Variants in CTNNA3 observed in about 807,000 individuals in gnomAD.
CTNNA3 encodes catenin alpha 3.
A neutral mutation model predicts 95.7 loss-of-function variants in CTNNA3; 76 were observed. The ratio of observed to expected loss-of-function variants is 0.79; its 90% CI spans 0.66 to 0.96. The LOEUF is 0.96. Ranked by LOEUF, CTNNA3 falls within the 40% of genes least tolerant of loss-of-function variation. CTNNA3 has a pLI of 0.00. For missense variants in CTNNA3, 1,191 were observed against 1,089.8 expected (o/e 1.09, Z -1.31); for synonymous variants, 431 against 374.4 (o/e 1.15, Z -1.74).
intron 9 of CTNNA3, among the ~76,000 whole-genome samples, chr10:66,759,236 C>T (rs1016500445): frequency 3.9e-5 from 6 of 152,182 alleles, no homozygotes; most frequent in African/African-American, 1.4e-4. Context: ...GTTTCCTGAA[C>T]GATGATGTCC....
intron 15 of CTNNA3, among the ~76,000 whole-genome samples, chr10:66,054,868 T>C (rs2080044408): frequency 6.6e-6 from 1 of 152,170 alleles, no homozygotes; most frequent in Non-Finnish European, 1.5e-5. Context: ...CAGTCTTAGC[T>C]TTAAGTCTTT....
At chr10:66,306,112 T>A (rs981009792) in intron 12 of CTNNA3, among the ~76,000 whole-genome samples, 1 of 151,998 alleles carries the variant, frequency 6.6e-6, no homozygotes, top group African/African-American at 2.4e-5. Flanking sequence ...TAGAAAAAAA[T>A]CCAGATTTTA....
intron 11 of CTNNA3, among the ~76,000 whole-genome samples, chr10:66,439,403 G>A (rs2093360758): frequency 6.6e-6 from 1 of 152,012 alleles, no homozygotes; most frequent in Admixed American, 6.6e-5. Flanking sequence ...AAAAAATAAA[G>A]ATTTGAATTT....
At chr10:67,304,043 C>T (rs1840438047) in intron 5 of CTNNA3, among the ~76,000 whole-genome samples, 1 of 152,176 alleles carries the variant, frequency 6.6e-6, no homozygotes, top group Non-Finnish European at 1.5e-5. Flanking sequence ...ACTGCTCTAG[C>T]CTCCTCCTTG....
At chr10:65,979,851 C>T (rs563265912) in intron 16 of CTNNA3, among the ~76,000 whole-genome samples, 1 of 151,940 alleles carries the variant, frequency 6.6e-6, no homozygotes, top group African/African-American at 2.4e-5. Flanking sequence ...TACATTTAGT[C>T]CTATTTAAAT....
intron 7 of CTNNA3, among the ~76,000 whole-genome samples, chr10:66,839,161 T>C (rs1842969749): frequency 6.6e-6 from 1 of 152,218 alleles, no homozygotes; most frequent in African/African-American, 2.4e-5. Flanking sequence ...CAGAAGGTTT[T>C]AAATGAGTGG....
At position 67,083,691 on chromosome 10, in the gene CTNNA3, T is replaced by C. The variant is rs548946460; in HGVS notation, c.1047+96626A>G. On this transcript the variant is annotated intron_variant, in intron 7 of 17. Transcript: ENST00000433211. ...GGCTTTCCCTCTACCCTATCAATAATACATATATGTCTCAGTTTCATGTCC... is the reference window on the plus strand; with the variant it reads ...GGCTTTCCCTCTACCCTATCAATAACACATATATGTCTCAGTTTCATGTCC... Among the ~76,000 whole-genome samples, 5 of 152,278 alleles carry C rather than the reference T, an allele frequency of 3.3e-5. No individual in the cohort carries two copies. The South Asian group carries it at 8.3e-4, about 25-fold the overall frequency.
At chr10:65,975,748 G>T (rs1045991275) in intron 16 of CTNNA3, among the ~76,000 whole-genome samples, 1 of 152,088 alleles carries the variant, frequency 6.6e-6, no homozygotes, top group African/African-American at 2.4e-5. Context: ...GATTTGCAAA[G>T]TAAGTTTCAG....
rs555699892 is a variant in CTNNA3 at position 66,300,420 on chromosome 10, T to G, written c.1733-19799A>C. ...TATTTTCTTCCACTTGAGTATAAAC[T>G]GGACCTGGTAACTCAATTCTAAACA... is the stretch of plus-strand genomic sequence containing the variant. On this transcript the variant is annotated intron_variant, in intron 12 of 17. Coordinates refer to ENST00000433211, the MANE Select transcript of CTNNA3 (RefSeq NM_013266.4). Among the ~76,000 whole-genome samples, 1,322 of 152,160 alleles carry G rather than the reference T, an allele frequency of 8.7e-3. 9 individuals are homozygous for G. The highest frequency in any genetic ancestry group is 0.014 in the Non-Finnish European group (943 of 68,006).
chr10:67,593,877 T>C (rs1177308055), intron 3 of CTNNA3, among the ~76,000 whole-genome samples: 1 of 152,166 alleles, frequency 6.6e-6, no homozygotes, highest in African/African-American at 2.4e-5. Context: ...CCTATTCATA[T>C]GCTGTTGACT....
Position 66,049,267 on chromosome 10 carries a change from T to A in CTNNA3, c.2159+20041A>T, listed in dbSNP as rs551355621. On this transcript the variant is annotated intron_variant, in intron 15 of 17. Coordinates refer to ENST00000433211, the MANE Select transcript of CTNNA3 (RefSeq NM_013266.4). ...ATCTCATACCAGTTAGAATAGCTAT[T>A]ATTAAAAAGTCAAAAAATAACAGAT... Among the ~76,000 whole-genome samples the A allele has an allele frequency of 3.1e-4, 47 of 152,282 alleles. 1 individual carries two copies. In the East Asian group the frequency reaches 9.1e-3, roughly 29 times the overall value.
At chr10:66,569,346 G>A (rs1842801373) in intron 10 of CTNNA3, among the ~76,000 whole-genome samples, 1 of 152,002 alleles carries the variant, frequency 6.6e-6, no homozygotes, top group African/African-American at 2.4e-5. Flanking sequence ...AGAGATAATG[G>A]CCCATGTAAA....
intron 7 of CTNNA3, among the ~76,000 whole-genome samples, chr10:67,106,307 T>C (rs1858633079): frequency 6.6e-6 from 1 of 152,214 alleles, no homozygotes; most frequent in South Asian, 2.1e-4. Flanking sequence ...AACTGCATGC[T>C]TTTCTGCCAC....
chr10:66,917,244 G>A (rs775231171), intron 7 of CTNNA3, among the ~76,000 whole-genome samples: 5 of 152,092 alleles, frequency 3.3e-5, no homozygotes, highest in Admixed American at 6.6e-5. Context: ...TTTGCTACCC[G>A]GGACTAAGTA....
chr10:67,237,508 C>A (rs571225780), intron 5 of CTNNA3, among the ~76,000 whole-genome samples: 13 of 151,666 alleles, frequency 8.6e-5, no homozygotes, highest in South Asian at 8.4e-4. Context: ...TAACCAAATA[C>A]CACCTATTCC....
At chr10:67,141,652 G>A (rs189545506) in intron 7 of CTNNA3, among the ~76,000 whole-genome samples, 50 of 152,170 alleles carry the variant, frequency 3.3e-4, no homozygotes, top group African/African-American at 1.0e-3. Flanking sequence ...TCAACTTGGC[G>A]TCTAAGACTC....
At chr10:67,698,398 C>T (rs1841006307), upstream of CTNNA3, among the ~76,000 whole-genome samples, 1 of 152,156 alleles carries the variant, frequency 6.6e-6, no homozygotes, top group South Asian at 2.1e-4. Context: ...TGATGCAGAG[C>T]CCTGTGTTAG....
At chr10:65,995,889 G>A (rs919018298) in intron 15 of CTNNA3, among the ~76,000 whole-genome samples, 1 of 152,178 alleles carries the variant, frequency 6.6e-6, no homozygotes, top group Non-Finnish European at 1.5e-5. Flanking sequence ...CCAGGCATGG[G>A]TGATGTTGCC....
chr10:66,866,526 G>A (rs1029797664), intron 7 of CTNNA3, among the ~76,000 whole-genome samples: 3 of 152,148 alleles, frequency 2.0e-5, no homozygotes, highest in Admixed American at 2.0e-4. Flanking sequence ...TTGACCTAAT[G>A]ACAACTGGTT....
Sources: allele counts gnomAD v4.1 joint callset (sites outside exome capture counted in the v4.1 genomes callset), GRCh38; gene constraint gnomAD v4.1.1; transcripts MANE v1.5; gene names NCBI Gene and HGNC (gene_info 2026-07-23, HGNC 2026-07-21).